Variants in TRPM8 observed in about 807,000 individuals in gnomAD.
TRPM8 encodes the protein TRPM8 cationic channel.
TRPM8 carries 110 observed loss-of-function variants against 133.7 expected under a neutral mutation model. The observed-to-expected ratio is 0.82, with a 90% CI of 0.70 to 0.96. The LOEUF (loss-of-function observed/expected upper bound fraction) is 0.96. TRPM8 is among the 40% of genes least tolerant of loss of function. TRPM8 has a pLI of 0.00. For synonymous variants in TRPM8, 535 were observed against 532.3 expected (o/e 1.01, Z -0.07); for missense variants, 1,291 against 1,379.5 (o/e 0.94, Z 1.02).
chr2:233,985,992 T>A lies in TRPM8; in HGVS notation c.2939+127T>A. 4 of 891,408 alleles carry A rather than the reference T, an allele frequency of 4.5e-6. No individual in the cohort carries two copies. In the Middle Eastern group the frequency reaches 1.1e-3, roughly 243 times the overall value. The allele number at this position is 891,408 out of a possible 1,614,324, so 55.2% of individuals were successfully genotyped here. ...ATACTTTAGAGATCTTTTGGGGGAT[T>A]GGTGGACTGGAGGGAGTGGGGCCTT... On this transcript the variant is annotated intron_variant, in intron 21 of 25. Coordinates refer to ENST00000324695, the MANE Select transcript of TRPM8 (RefSeq NM_024080.5).
chr2:233,954,110 T>C, intron 10 of TRPM8, 91 bp downstream of exon 10: 1 of 854,122 alleles, frequency 1.2e-6, no homozygotes, highest in Non-Finnish European at 1.8e-6. Context: ...AACAGCTTTA[T>C]TGAAAGGCAA....
chr2:233,997,365 C>T (rs1284922871), intron 22 of TRPM8, among the ~76,000 whole-genome samples: 3 of 152,218 alleles, frequency 2.0e-5, no homozygotes, highest in African/African-American at 7.2e-5. Context: ...CTCCTCCCTG[C>T]CCCATTCCCA....
chr2:233,920,165 G>T (rs547772983), intron 1 of TRPM8, among the ~76,000 whole-genome samples: 1 of 152,290 alleles, frequency 6.6e-6, no homozygotes, highest in East Asian at 1.9e-4. Context: ...AGTTTCCTGT[G>T]TGAGAAACTG....
chr2:233,956,768 C>T (rs1341326527), intron 11 of TRPM8, among the ~76,000 whole-genome samples: 1 of 152,198 alleles, frequency 6.6e-6, no homozygotes, highest in East Asian at 1.9e-4. Context: ...CCTTAGCAAA[C>T]ATTATCTTGT....
intron 6 of TRPM8, chr2:233,943,067 C>CTTTGT (rs752382228): frequency 2.4e-4 from 42 of 178,524 alleles, no homozygotes; most frequent in African/African-American, 1.1e-3. Context: ...ACTGCAGTAT[C>CTTTGT]TTTTTTTTTT....
chr2:233,938,865 G>T (rs1312984275), intron 4 of TRPM8, 133 bp from the exon 5 acceptor site: 36 of 947,896 alleles, frequency 3.8e-5, no homozygotes, highest in African/African-American at 5.0e-5. Flanking sequence ...CCAATGCCGC[G>T]ATCCCTGCTG....
At position 233,973,512 on chromosome 2, in the gene TRPM8, A is replaced by C. The variant is rs146769857; in HGVS notation, c.2355+3086A>C. 4.9e-4 allele frequency among the ~76,000 whole-genome samples: 75 copies of C among 152,324 alleles called. 1 individual carries two copies. In the East Asian group the frequency reaches 0.013, roughly 25 times the overall value. Reference sequence around the variant, plus strand: ...CCAAATCTCCGCTCTCCCTGGGGACATTCGTCGTACTGGATCAGGGGTCAC... The same window carrying C: ...CCAAATCTCCGCTCTCCCTGGGGACCTTCGTCGTACTGGATCAGGGGTCAC... On this transcript the variant is annotated intron_variant, in intron 17 of 25. Coordinates refer to ENST00000324695, the MANE Select transcript of TRPM8 (RefSeq NM_024080.5).
chr2:233,963,541 T>C (rs1201748425), intron 13 of TRPM8, among the ~76,000 whole-genome samples, 164 bp downstream of exon 13: 3 of 152,108 alleles, frequency 2.0e-5, no homozygotes, highest in Non-Finnish European at 2.9e-5. Flanking sequence ...AAGGAGTGCT[T>C]GGGAGGGACC....
chr2:234,007,452 T>TA, intron 23 of TRPM8, among the ~76,000 whole-genome samples: 1 of 152,384 alleles, frequency 6.6e-6, no homozygotes, highest in East Asian at 1.9e-4. Context: ...GAAGCTGTTA[T>TA]AAAATCCATG....
chr2:233,969,472 C>T (rs1461184497), intron 15 of TRPM8, among the ~76,000 whole-genome samples: 2 of 151,896 alleles, frequency 1.3e-5, no homozygotes, highest in African/African-American at 2.4e-5. Context: ...GGGCAGCAAG[C>T]GTGAAACTCC....
chr2:233,917,576 A>G (rs1691327886), intron 1 of TRPM8, 144 bp downstream of exon 1: 1 of 152,246 alleles, frequency 6.6e-6, no homozygotes, highest in Non-Finnish European at 1.5e-5. Flanking sequence ...CAAAAATTTA[A>G]ATTCCTCAAA....
intron 5 of TRPM8, 101 bp from the exon 6 acceptor site, chr2:233,942,475 A>G: frequency 2.6e-6 from 3 of 1,150,518 alleles, no homozygotes; most frequent in Non-Finnish European, 2.6e-6. Context: ...CTGTGTCCTG[A>G]TGCCTACAGG....
chr2:233,940,920 G>A (rs542881906), intron 5 of TRPM8, among the ~76,000 whole-genome samples: 3 of 152,172 alleles, frequency 2.0e-5, no homozygotes, highest in Non-Finnish European at 4.4e-5. Context: ...TGAGGTAATT[G>A]GTGGTTTTTG....
At chr2:233,940,552 T>C (rs75517240) in intron 5 of TRPM8, among the ~76,000 whole-genome samples, 3,805 of 152,332 alleles carry the variant, frequency 0.025, 157 homozygotes, top group African/African-American at 0.087. Flanking sequence ...GTCCCTGGGC[T>C]GGGGCGCCTC....
intron 21 of TRPM8, among the ~76,000 whole-genome samples, chr2:233,994,879 G>A (rs1357282104): frequency 6.6e-6 from 1 of 152,166 alleles, no homozygotes; most frequent in Non-Finnish European, 1.5e-5. Flanking sequence ...GGCTCTTGAA[G>A]GGATGATTTG....
At chr2:233,997,388 G>A (rs574055389) in intron 22 of TRPM8, among the ~76,000 whole-genome samples, 6 of 152,332 alleles carry the variant, frequency 3.9e-5, no homozygotes, top group South Asian at 2.1e-4. Flanking sequence ...TGATGGAGCC[G>A]TCAGGGAGGG....
At position 233,968,751 on chromosome 2, in the gene TRPM8, C is replaced by A. The variant is rs369122743; in HGVS notation, c.2026-944C>A. ...GGCTATTTTTTGAGAGATGTGGGTC[C>A]TTTGATGTGGTCGAGTCTATGCTCC... On this transcript the variant is annotated intron_variant, in intron 15 of 25. Coordinates refer to ENST00000324695, the MANE Select transcript of TRPM8 (RefSeq NM_024080.5). Among the ~76,000 whole-genome samples the A allele has an allele frequency of 7.9e-5, 12 of 152,052 alleles. No individual in the cohort carries two copies. In the East Asian group the frequency reaches 1.9e-3, roughly 25 times the overall value.
intron 9 of TRPM8, chr2:233,953,703 C>A: frequency 2.4e-6 from 1 of 420,412 alleles, no homozygotes; most frequent in Non-Finnish European, 4.3e-6. Flanking sequence ...TCAAATGAGG[C>A]TCTCAGCTTT....
chr2:233,975,863 CAG>C (rs1691859768), intron 17 of TRPM8, among the ~76,000 whole-genome samples: 1 of 151,798 alleles, frequency 6.6e-6, no homozygotes, highest in East Asian at 1.9e-4. Context: ...GCCTGGGTGA[CAG>C]AGTGAGACTC....
Sources: gnomAD v4.1 joint callset for allele counts (sites outside exome capture counted in the v4.1 genomes callset) on GRCh38, gnomAD v4.1.1 for gene constraint, MANE v1.5 for transcripts, NCBI Gene and HGNC (gene_info 2026-07-23, HGNC 2026-07-21) for gene names.